The following MYT1 variants were observed in gnomAD, a reference collection of about 807,000 sequenced individuals.
MYT1 encodes the protein myelin transcription factor 1.
Under a neutral mutation model 123.0 loss-of-function variants are expected in MYT1, and 23 were observed. The ratio of observed to expected loss-of-function variants is 0.19; its 90% CI spans 0.13 to 0.26. MYT1 has a LOEUF of 0.26. Ranked by LOEUF, MYT1 falls within the 10% of genes least tolerant of loss-of-function variation. MYT1 has a pLI of 1.00. For missense variants in MYT1, 1,125 were observed against 1,472.5 expected (o/e 0.76, Z 3.86); for synonymous variants, 518 against 575.3 (o/e 0.90, Z 1.43).
At chr20:64,209,549 A>G (rs1195872931) in intron 7 of MYT1, among the ~76,000 whole-genome samples, 1 of 152,122 alleles carries the variant, frequency 6.6e-6, no homozygotes, top group Non-Finnish European at 1.5e-5. Flanking sequence ...TCTTCCAATG[A>G]GTGCCCCCAG....
rs1231778933 is a variant in MYT1 at position 64,219,130 on chromosome 20, A to G, written c.1971+95A>G. On this transcript the variant is annotated intron_variant, in intron 12 of 22. Transcript: ENST00000328439. ...GCTCTCTGCACAAAATGTCCCTAGG[A>G]ATGGCTTGTGCCTAGCTGGCAATTC... is the stretch of plus-strand genomic sequence containing the variant. The G allele has an allele frequency of 2.1e-6, 3 of 1,446,746 alleles. No individual in the cohort carries two copies. In the East Asian group the frequency reaches 7.5e-5, roughly 36 times the overall value. The allele number at this position is 1,446,746 out of a possible 1,614,324, so 89.6% of individuals were successfully genotyped here.
intron 4 of MYT1, among the ~76,000 whole-genome samples, chr20:64,201,577 G>C (rs1983301668): frequency 6.6e-6 from 1 of 152,206 alleles, no homozygotes; most frequent in Non-Finnish European, 1.5e-5. Flanking sequence ...ACATCTGTTG[G>C]CCACACGCTT....
intron 1 of MYT1, among the ~76,000 whole-genome samples, chr20:64,177,324 CTGCCTT>C (rs1383715571): frequency 6.6e-6 from 1 of 152,060 alleles, no homozygotes; most frequent in East Asian, 1.9e-4. Context: ...AAAAGCTGGT[CTGCCTT>C]TGCGCCACTC....
At position 64,185,378 on chromosome 20, in the gene MYT1, A is replaced by C. The variant is rs1202591492; in HGVS notation, c.-98-4685A>C. The stretch of plus-strand genomic sequence containing the variant: ...AGGTGTGGGCTCCTCTCAAGTGACT[A>C]CCCTTCCCCTCTTTGCTGAGGGGCA... On this transcript the variant is annotated intron_variant, in intron 1 of 22. Coordinates refer to ENST00000328439, the MANE Select transcript of MYT1 (RefSeq NM_004535.3). The surrounding 1 kb of genome is among the most constrained non-coding windows in gnomAD (Gnocchi z 4.5). 6.6e-6 allele frequency among the ~76,000 whole-genome samples: 1 copy of C among 151,918 alleles called. No homozygotes were observed. Among genetic ancestry groups the C allele is most frequent in the African/African-American group, 2.4e-5 (1 of 41,342 alleles).
Position 64,239,793 on chromosome 20 carries a change from G to A in MYT1, c.3127G>A (p.Glu1043Lys), listed in dbSNP as rs1984658759. The change falls in exon 22 of 23, where the codon GAG becomes AAG. Residue 1043 changes from glutamate (E) to lysine (K), a missense_variant. Physicochemically the swap from Glu to Lys is moderately conservative, Grantham distance 56. Around this residue, in one of 4 missense-constraint regions of MYT1, gnomAD observed 243 missense variants for 323.1 expected, o/e 0.75. Coordinates refer to ENST00000328439, the MANE Select transcript of MYT1 (RefSeq NM_004535.3). ...SSMEKNLKNI[E>K]EENKLIEEQN... ...CATGGAGAAGAACCTGAAGAACATCGAGGAGGAGAACAAGCTCATTGAGGA... is the reference window on the plus strand; with the variant it reads ...CATGGAGAAGAACCTGAAGAACATCAAGGAGGAGAACAAGCTCATTGAGGA... 1.9e-6 allele frequency: 3 copies of A among 1,613,988 alleles called. No homozygotes were observed. Among genetic ancestry groups the A allele is most frequent in the Non-Finnish European group, 1.7e-6 (2 of 1,180,018 alleles).
rs1180241715 is a variant in MYT1 at position 64,212,212 on chromosome 20, T to TG, written c.1517+79dup. On this transcript the variant is annotated intron_variant, in intron 9 of 22. Transcript: ENST00000328439. The surrounding 1 kb of genome is among the most constrained non-coding windows in gnomAD (Gnocchi z 6.8). ...GTGGGGGCCAGGGTGGGGGCCGTGG[T>TG]GGGGGCCAGGGTGGGGGCCGTGGTG... 1.1e-3 allele frequency: 21 copies of TG among 19,156 alleles called. 1 individual carries two copies. The highest frequency in any genetic ancestry group is 1.2e-3 in the Non-Finnish European group (12 of 9,902). 1.2% of individuals were successfully genotyped at this position (19,156 alleles called of 1,614,324 possible).
In MYT1 at chr20:64,191,058, C is replaced by G. The variant is rs926006960; in HGVS notation, c.-1+898C>G. 6.6e-6 allele frequency among the ~76,000 whole-genome samples: 1 copy of G among 152,194 alleles called. No homozygotes were observed. The highest frequency in any genetic ancestry group is 1.5e-5 in the Non-Finnish European group (1 of 68,030). On this transcript the variant is annotated intron_variant, in intron 2 of 22. Coordinates refer to ENST00000328439, the MANE Select transcript of MYT1 (RefSeq NM_004535.3). This position sits in a 1 kb window ranked among gnomAD's most constrained non-coding sequence, Gnocchi z 4.1. ...ACTTCCTTGCTTTGAGGTGTGACCA[C>G]GTCTGGGCTCTGTGATAGGCCTGAG...
In MYT1 at chr20:64,196,331, C is replaced by A. The variant is rs577142192; in HGVS notation, c.1-2531C>A. ...CTGGGTGGTGCTGGGCACAGGGCCG[C>A]CCCCAGCACCCGCTCTCCATCTACC... On this transcript the variant is annotated intron_variant, in intron 2 of 22. Transcript: ENST00000328439. The surrounding 1 kb of genome is among the most constrained non-coding windows in gnomAD (Gnocchi z 4.3). Among the ~76,000 whole-genome samples, 60 of 152,328 alleles carry A rather than the reference C, an allele frequency of 3.9e-4. No homozygotes were observed. Among genetic ancestry groups the A allele is most frequent in the African/African-American group, 1.4e-3 (58 of 41,570 alleles).
At chr20:64,220,154 CAG>C (rs964250664) in intron 13 of MYT1, among the ~76,000 whole-genome samples, 172 bp downstream of exon 13, 5 of 152,238 alleles carry the variant, frequency 3.3e-5, no homozygotes, top group Admixed American at 2.6e-4. Context: ...AGCTGGGACT[CAG>C]GGGCTCACCC....
rs1306455367 is a variant in MYT1 at position 64,186,512 on chromosome 20, G to A, written c.-98-3551G>A. 6.6e-6 allele frequency among the ~76,000 whole-genome samples: 1 copy of A among 152,226 alleles called. No individual in the cohort carries two copies. Among genetic ancestry groups the A allele is most frequent in the Non-Finnish European group, 1.5e-5 (1 of 68,032 alleles). On this transcript the variant is annotated intron_variant, in intron 1 of 22. Transcript: ENST00000328439. The surrounding 1 kb of genome is among the most constrained non-coding windows in gnomAD (Gnocchi z 4.3). Reference sequence around the variant, plus strand: ...ATGACAACAGCACTGACGTCCTCATGGGTTCACTTCCAGGCTCCGTCCACA... The same window carrying A: ...ATGACAACAGCACTGACGTCCTCATAGGTTCACTTCCAGGCTCCGTCCACA...
rs1267887494 is a variant in MYT1 at position 64,203,528 on chromosome 20, C to T, written c.87-1507C>T. On this transcript the variant is annotated intron_variant, in intron 4 of 22. Transcript: ENST00000328439. The surrounding 1 kb of genome is among the most constrained non-coding windows in gnomAD (Gnocchi z 5.1). ...TCTCTCCCTCTTCCTCCCTCTTCCC[C>T]TCCCTTCCCGTCTGGGTTCCCTCTT... Among the ~76,000 whole-genome samples, 1 of 152,066 alleles carries T rather than the reference C, an allele frequency of 6.6e-6. No individual in the cohort carries two copies. Among genetic ancestry groups the T allele is most frequent in the Admixed American group, 6.6e-5 (1 of 15,258 alleles).
At chr20:64,214,289 G>A (rs528167812) in intron 10 of MYT1, among the ~76,000 whole-genome samples, 1 of 151,908 alleles carries the variant, frequency 6.6e-6, no homozygotes, top group Non-Finnish European at 1.5e-5. Flanking sequence ...GTGCGTGCAA[G>A]TCCATGTGTA....
Position 64,170,753 on chromosome 20 carries a change from C to T in MYT1, c.-99+6014C>T, listed in dbSNP as rs115423703. ...CGAAGGCTGTGCCCAACCTTAGCCT[C>T]GGTGAGCCGTGACCCAGCCATGTCA... is the stretch of plus-strand genomic sequence containing the variant. On this transcript the variant is annotated intron_variant, in intron 1 of 22. Transcript: ENST00000328439. 2.1e-3 allele frequency among the ~76,000 whole-genome samples: 310 copies of T among 149,018 alleles called. 1 individual carries two copies. Among genetic ancestry groups the T allele is most frequent in the African/African-American group, 7.2e-3 (291 of 40,336 alleles).
Position 64,205,709 on chromosome 20 carries a change from C to T in MYT1, c.306C>T (p.Ala102=), listed in dbSNP as rs765855815. 2 of 1,614,192 alleles carry T rather than the reference C, an allele frequency of 1.2e-6. No individual in the cohort carries two copies. The highest frequency in any genetic ancestry group is 1.7e-6 in the Non-Finnish European group (2 of 1,180,030). ...GTGAGGACACTGAGGTGAAGGACGC[C>T]TCTGTTTCGGATGAATCGGAAGGAA... is the stretch of plus-strand genomic sequence containing the variant. The part of the protein sequence containing the change: ...DGSEDTEVKD[A]SVSDESEGTL... The change falls in exon 6 of 23, where the codon GCC becomes GCT. Residue 102 remains alanine (A), a synonymous_variant. Transcript: ENST00000328439.
At chr20:64,211,064 C>A (rs1983652127) in intron 7 of MYT1, 142 bp from the exon 8 acceptor site, 1 of 907,834 alleles carries the variant, frequency 1.1e-6, no homozygotes, top group Non-Finnish European at 1.6e-6. Context: ...ACTGTCCAGC[C>A]CCAGTCCCTG....
intron 1 of MYT1, among the ~76,000 whole-genome samples, chr20:64,187,078 C>T (rs1289582314): frequency 1.1e-4 from 16 of 149,330 alleles, no homozygotes; most frequent in Non-Finnish European, 4.4e-5. Flanking sequence ...TTTCCTGTAG[C>T]CCGTGGCCCC....
chr20:64,177,089 A>G (rs1982480294), intron 1 of MYT1, among the ~76,000 whole-genome samples: 3 of 152,242 alleles, frequency 2.0e-5, no homozygotes, highest in Admixed American at 2.0e-4. Context: ...ATATAAATGG[A>G]AAAGAAAGTG....
chr20:64,225,264 T>C (rs1326503079), intron 16 of MYT1, among the ~76,000 whole-genome samples: 1 of 152,250 alleles, frequency 6.6e-6, no homozygotes, highest in Non-Finnish European at 1.5e-5. Flanking sequence ...CATCGGGCAC[T>C]GGCCCCTCCT....
chr20:64,195,774 A>C (rs926513655), intron 2 of MYT1, among the ~76,000 whole-genome samples: 2 of 152,220 alleles, frequency 1.3e-5, no homozygotes, highest in African/African-American at 4.8e-5. Context: ...AGAACAAAGC[A>C]AAAACACACT....
Sources: gnomAD v4.1 joint callset for allele counts (sites outside exome capture counted in the v4.1 genomes callset) on GRCh38, gnomAD v4.1.1 for gene constraint, gnomAD v4.1.1 regional missense constraint, Gnocchi (gnomAD v3.1) non-coding constraint, MANE v1.5 for transcripts, NCBI Gene and HGNC (gene_info 2026-07-23, HGNC 2026-07-21) for gene names.